The following RASEF variants were observed in gnomAD, a reference collection of about 807,000 sequenced individuals.
RASEF encodes the protein RAS and EF-hand domain containing, also known as ras and EF-hand domain-containing protein.
A neutral mutation model predicts 90.1 loss-of-function variants in RASEF; 68 were observed. The ratio of observed to expected loss-of-function variants is 0.75; its 90% CI spans 0.62 to 0.92. The LOEUF is 0.92. Ranked by LOEUF, RASEF falls within the 40% of genes least tolerant of loss-of-function variation. The pLI, the probability that RASEF is intolerant of heterozygous loss-of-function variation, is 0.00. For synonymous variants in RASEF, 331 were observed against 345.2 expected (o/e 0.96, Z 0.46); for missense variants, 949 against 937.2 (o/e 1.01, Z -0.16).
At chr9:83,196,004 C>CG in the RASEF span, among the ~76,000 whole-genome samples, 3 of 151,858 alleles carry the variant, frequency 2.0e-5, no homozygotes, top group East Asian at 1.9e-4. Context: ...AACTTGGACC[C>CG]GGGGGTGGCA....
At chr9:83,029,394 T>TTC (rs1491439558) in intron 1 of RASEF, among the ~76,000 whole-genome samples, 1 of 129,756 alleles carries the variant, frequency 7.7e-6, no homozygotes, top group Non-Finnish European at 1.6e-5. Context: ...ACTTGCCTTC[T>TTC]TTTTTTTTTT....
rs754004058 is a variant in RASEF, at chr9:83,015,766, C to T, written c.765+39G>A. On this transcript the variant is annotated intron_variant, in intron 4 of 16. Coordinates refer to ENST00000376447, the MANE Select transcript of RASEF (RefSeq NM_152573.4). The stretch of plus-strand genomic sequence containing the variant: ...TTAATGGCTTAGATACCCTGAGATG[C>T]TGAGGCTGTTCCTACAAGTCCAGCT... 2.1e-6 allele frequency: 3 copies of T among 1,430,996 alleles called. No homozygotes were observed. In the Admixed American group the frequency reaches 5.0e-5, roughly 24 times the overall value. The allele number at this position is 1,430,996 out of a possible 1,614,324, so 88.6% of individuals were successfully genotyped here.
chr9:83,093,555 T>G, the RASEF span, among the ~76,000 whole-genome samples: 2 of 152,228 alleles, frequency 1.3e-5, no homozygotes, highest in Non-Finnish European at 2.9e-5. Flanking sequence ...AAGCCCCTCA[T>G]TGCCCAGGGC....
intron 1 of RASEF, chr9:83,055,574 C>G (rs554402516): frequency 2.8e-6 from 2 of 711,064 alleles, no homozygotes; most frequent in Admixed American, 2.0e-5. Context: ...CCTCCCTCCT[C>G]GATTGTCCAA....
the RASEF span, among the ~76,000 whole-genome samples, chr9:83,099,391 G>T: frequency 6.6e-6 from 1 of 152,194 alleles, no homozygotes; most frequent in African/African-American, 2.4e-5. Flanking sequence ...GGCATAAAAA[G>T]ATGGAAAATC....
At chr9:83,097,660 A>G in the RASEF span, among the ~76,000 whole-genome samples, 1 of 152,246 alleles carries the variant, frequency 6.6e-6, no homozygotes, top group African/African-American at 2.4e-5. Flanking sequence ...AATGCTCATC[A>G]TCACTGGCCA....
intron 1 of RASEF, among the ~76,000 whole-genome samples, chr9:83,057,959 A>C (rs890735352): frequency 6.7e-6 from 1 of 150,328 alleles, no homozygotes; most frequent in Non-Finnish European, 1.5e-5. Flanking sequence ...AAGAGAAAAG[A>C]GCTGATTTAC....
the RASEF span, among the ~76,000 whole-genome samples, chr9:83,178,625 T>G: frequency 6.6e-6 from 1 of 152,184 alleles, no homozygotes. Flanking sequence ...GACATTTCTG[T>G]TGAAGTGCTC....
chr9:83,046,435 A>T (rs1829931588), intron 1 of RASEF, among the ~76,000 whole-genome samples: 1 of 152,118 alleles, frequency 6.6e-6, no homozygotes, highest in Non-Finnish European at 1.5e-5. Context: ...GCTTTTCTGG[A>T]ATGTATACAC....
intron 1 of RASEF, among the ~76,000 whole-genome samples, chr9:83,042,384 T>G (rs1266080849): frequency 6.6e-6 from 1 of 152,218 alleles, no homozygotes; most frequent in East Asian, 1.9e-4. Context: ...AAAAATAATT[T>G]CAGTGACCAA....
chr9:83,165,027 GA>G, the RASEF span, among the ~76,000 whole-genome samples: 2 of 151,294 alleles, frequency 1.3e-5, no homozygotes, highest in Non-Finnish European at 3.0e-5. Context: ...GAACTACGAG[GA>G]AAAAAAATAA....
At chr9:83,115,693 T>C in the RASEF span, among the ~76,000 whole-genome samples, 2 of 152,064 alleles carry the variant, frequency 1.3e-5, no homozygotes, top group Non-Finnish European at 1.5e-5. Context: ...CCTAAATACA[T>C]AGTCATAAAA....
At chr9:83,192,852 G>C in the RASEF span, among the ~76,000 whole-genome samples, 6 of 151,568 alleles carry the variant, frequency 4.0e-5, no homozygotes, top group Admixed American at 6.6e-5. Flanking sequence ...ACAGTGAAGA[G>C]AGCAATTTCA....
At chr9:83,196,238 T>C in the RASEF span, among the ~76,000 whole-genome samples, 1 of 152,132 alleles carries the variant, frequency 6.6e-6, no homozygotes, top group Non-Finnish European at 1.5e-5. Flanking sequence ...TGCGAAAACC[T>C]GGTCTCCCTG....
At chr9:83,164,392 T>C in the RASEF span, among the ~76,000 whole-genome samples, 1 of 145,376 alleles carries the variant, frequency 6.9e-6, no homozygotes, top group Admixed American at 7.0e-5. Flanking sequence ...TGTGTGAAAT[T>C]AATGACAGCA....
At chr9:83,071,440 CT>C in the RASEF span, among the ~76,000 whole-genome samples, 2 of 152,162 alleles carry the variant, frequency 1.3e-5, no homozygotes, top group African/African-American at 4.8e-5. Flanking sequence ...GGGTCTGGCT[CT>C]GTCACCCAGG....
the RASEF span, among the ~76,000 whole-genome samples, chr9:83,073,438 T>G: frequency 6.6e-6 from 1 of 152,126 alleles, no homozygotes; most frequent in Non-Finnish European, 1.5e-5. Flanking sequence ...CTGCTTATCT[T>G]TCTTACTTCC....
At chr9:83,179,095 G>T in the RASEF span, among the ~76,000 whole-genome samples, 1 of 152,120 alleles carries the variant, frequency 6.6e-6, no homozygotes, top group South Asian at 2.1e-4. Flanking sequence ...TATTTTCACA[G>T]TACTTATACC....
chr9:83,004,791 G>A (rs975506849), intron 8 of RASEF, among the ~76,000 whole-genome samples: 5 of 152,106 alleles, frequency 3.3e-5, no homozygotes, highest in African/African-American at 9.7e-5. Context: ...GCCATAGTAC[G>A]CTCTCCTCCT....
Sources: gnomAD v4.1 joint callset for allele counts (sites outside exome capture counted in the v4.1 genomes callset) on GRCh38, gnomAD v4.1.1 for gene constraint, MANE v1.5 for transcripts, NCBI Gene and HGNC (gene_info 2026-07-23, HGNC 2026-07-21) for gene names.